Variants in GABRP observed in about 807,000 individuals in gnomAD.
GABRP encodes gamma-aminobutyric acid type A receptor subunit pi, also known as gamma-aminobutyric acid receptor subunit pi.
In GABRP, 52 loss-of-function variants were observed where a neutral mutation model predicts 47.8. The observed-to-expected ratio is 1.09, with a 90% CI of 0.87 to 1.37. The LOEUF is 1.37. Among genes scored for constraint, GABRP ranks in the 40% most tolerant of loss-of-function variants. The pLI, the probability that GABRP is intolerant of heterozygous loss-of-function variation, is 0.00. For synonymous variants in GABRP, 221 were observed against 205.8 expected (o/e 1.07, Z -0.63); for missense variants, 525 against 542.8 (o/e 0.97, Z 0.33).
At position 170,789,146 on chromosome 5, in the gene GABRP, G is replaced by T; in HGVS notation, c.71G>T (p.Ser24Ile). ...LFTERMCIQG[S>I]QFNVEVGRSD... The stretch of plus-strand genomic sequence containing the variant: ...TTTTCCAGGATGTGCATCCAGGGGA[G>T]TCAGTTCAACGTCGAGGTCGGCAGA... Residue 24 changes from serine (S) to isoleucine (I), a missense_variant, in exon 3 of 10, where the codon AGT becomes ATT. By Grantham distance (142) the Ser-to-Ile change is moderately radical (BLOSUM62 -2). Transcript: ENST00000265294. The T allele has an allele frequency of 6.2e-7, 1 of 1,614,006 alleles. No individual in the cohort carries two copies.
At chr5:170,799,799 G>A (rs1009469105) in intron 6 of GABRP, among the ~76,000 whole-genome samples, 2 of 152,058 alleles carry the variant, frequency 1.3e-5, no homozygotes, top group Non-Finnish European at 2.9e-5. Context: ...GATCCCATTT[G>A]TCAATTTTGG....
At chr5:170,792,130 C>T (rs1346865684) in intron 3 of GABRP, among the ~76,000 whole-genome samples, 1 of 152,186 alleles carries the variant, frequency 6.6e-6, no homozygotes, top group African/African-American at 2.4e-5. Flanking sequence ...GCTCTAGTAG[C>T]TCTGTTTTAC....
intron 7 of GABRP, among the ~76,000 whole-genome samples, chr5:170,806,985 G>GAGTGCAGTGTC (rs1266249571): frequency 3.3e-5 from 5 of 150,914 alleles, no homozygotes; most frequent in African/African-American, 1.2e-4. Flanking sequence ...TCACTCTAGT[G>GAGTGCAGTGTC]TCACCTAGGC....
At chr5:170,804,805 G>C (rs1293811152) in intron 6 of GABRP, among the ~76,000 whole-genome samples, 3 of 151,800 alleles carry the variant, frequency 2.0e-5, no homozygotes, top group African/African-American at 7.3e-5. Flanking sequence ...TGCTTGCCTT[G>C]TTATCCTGAG....
intron 7 of GABRP, 125 bp downstream of exon 7, chr5:170,805,978 G>A (rs2127264168): frequency 9.3e-7 from 1 of 1,080,316 alleles, no homozygotes; most frequent in Non-Finnish European, 1.3e-6. Flanking sequence ...GGACAGTAGG[G>A]TTTGTGCTGA....
At chr5:170,809,901 C>A in intron 9 of GABRP, 146 bp downstream of exon 9, 2 of 771,934 alleles carry the variant, frequency 2.6e-6, no homozygotes, top group Non-Finnish European at 2.2e-6. Context: ...CAGGTGGGAG[C>A]AGCTGGAAGT....
Position 170,812,135 on chromosome 5 carries a change from C to T in GABRP, c.1200C>T (p.Gly400=), listed in dbSNP as rs756929762. 1.9e-5 allele frequency: 30 copies of T among 1,613,986 alleles called. No homozygotes were observed. Among genetic ancestry groups the T allele is most frequent in the Non-Finnish European group, 2.5e-5 (29 of 1,180,012 alleles). ...KFKFVFREKM[G]RIVDYFTIQN... is the part of the protein sequence containing the mutation. ...AGTTTGTCTTCCGAGAAAAGATGGGCAGGATTGTTGATTATTTCACAATTC... is the reference window on the plus strand; with the variant it reads ...AGTTTGTCTTCCGAGAAAAGATGGGTAGGATTGTTGATTATTTCACAATTC... The change falls in exon 10 of 10, where the codon GGC becomes GGT. Residue 400 remains glycine, a synonymous_variant. Coordinates refer to ENST00000265294, the MANE Select transcript of GABRP (RefSeq NM_014211.3).
At chr5:170,806,971 T>G (rs1043987589) in intron 7 of GABRP, among the ~76,000 whole-genome samples, 19 of 152,116 alleles carry the variant, frequency 1.2e-4, no homozygotes, top group South Asian at 2.1e-4. Context: ...TTTGAGACAG[T>G]GTCTCACTCT....
intron 3 of GABRP, among the ~76,000 whole-genome samples, chr5:170,791,669 A>G (rs1344403662): frequency 9.5e-6 from 1 of 105,262 alleles, no homozygotes; most frequent in Non-Finnish European, 1.8e-5. Flanking sequence ...CAGAAAGCAC[A>G]GTGGAGCTCT....
chr5:170,804,426 A>G (rs1765674292), intron 6 of GABRP, among the ~76,000 whole-genome samples: 1 of 152,136 alleles, frequency 6.6e-6, no homozygotes, highest in South Asian at 2.1e-4. Context: ...TAAGTTTTAA[A>G]GAAATTGCTA....
chr5:170,809,479 T>G, intron 8 of GABRP, 89 bp from the exon 9 acceptor site: 1 of 1,320,784 alleles, frequency 7.6e-7, no homozygotes, highest in South Asian at 1.2e-5. Flanking sequence ...GCCCTCACCC[T>G]GCCAATTCTC....
In GABRP at chr5:170,788,438, G is replaced by A. The variant is rs187253041; in HGVS notation, c.-42-136G>A. 1,312 of 554,226 alleles carry A rather than the reference G, an allele frequency of 2.4e-3. 1 individual carries two copies. Among genetic ancestry groups the A allele is most frequent in the Non-Finnish European group, 3.3e-3 (1,038 of 310,172 alleles). 34.3% of individuals were successfully genotyped at this position (554,226 alleles called of 1,614,324 possible). ...AACACAGGGAGAAGGAGCTGTAACCGAAAGGTATGGAAAGAGGCTGCTTCC... is the reference window on the plus strand; with the variant it reads ...AACACAGGGAGAAGGAGCTGTAACCAAAAGGTATGGAAAGAGGCTGCTTCC... On this transcript the variant is annotated intron_variant, in intron 1 of 9. Coordinates refer to ENST00000265294, the MANE Select transcript of GABRP (RefSeq NM_014211.3).
intron 6 of GABRP, among the ~76,000 whole-genome samples, chr5:170,799,266 C>T (rs1016608552): frequency 2.0e-5 from 3 of 152,160 alleles, no homozygotes; most frequent in African/African-American, 7.2e-5. Flanking sequence ...TTTATAGCAG[C>T]ATGATTTATA....
chr5:170,810,195 TTTC>T (rs1347854505), intron 9 of GABRP: 1 of 445,736 alleles, frequency 2.2e-6, no homozygotes, highest in African/African-American at 2.0e-5. Context: ...TTGTGACAAA[TTTC>T]TTGGTGAGCA....
intron 7 of GABRP, among the ~76,000 whole-genome samples, chr5:170,807,352 T>C (rs150538779): frequency 1.5e-4 from 23 of 152,336 alleles, no homozygotes; most frequent in Non-Finnish European, 2.4e-4. Context: ...TATGCAGTCA[T>C]AGTTTACCAA....
chr5:170,796,853 A>G (rs1227370625), intron 5 of GABRP, among the ~76,000 whole-genome samples: 2 of 152,236 alleles, frequency 1.3e-5, no homozygotes, highest in African/African-American at 4.8e-5. Context: ...ACACTGAAGA[A>G]AAAGGAAGAT....
intron 1 of GABRP, among the ~76,000 whole-genome samples, chr5:170,784,635 A>G (rs187163708): frequency 5.3e-5 from 8 of 152,222 alleles, no homozygotes; most frequent in Admixed American, 4.6e-4. Context: ...AGAAATAGAA[A>G]GAGCTTGAGA....
chr5:170,784,122 C>T (rs999348504), intron 1 of GABRP, among the ~76,000 whole-genome samples: 12 of 152,184 alleles, frequency 7.9e-5, no homozygotes, highest in African/African-American at 2.7e-4. Context: ...GGGCACGCGC[C>T]GCACCACTTT....
At chr5:170,811,031 C>T (rs1352777746) in intron 9 of GABRP, among the ~76,000 whole-genome samples, 8 of 151,564 alleles carry the variant, frequency 5.3e-5, no homozygotes, top group African/African-American at 1.2e-4. Flanking sequence ...TCTTATTCTG[C>T]TGTGTATATG....
Sources: allele counts gnomAD v4.1 joint callset (sites outside exome capture counted in the v4.1 genomes callset), GRCh38; gene constraint gnomAD v4.1.1; transcripts MANE v1.5; gene names NCBI Gene and HGNC (gene_info 2026-07-23, HGNC 2026-07-21).